Variants in FAM3C observed in about 807,000 individuals in gnomAD.
FAM3C encodes the protein protein FAM3C.
Under a neutral mutation model 32.5 loss-of-function variants are expected in FAM3C, and 15 were observed. That is an observed-to-expected ratio of 0.46 (90% confidence interval 0.31 to 0.71). FAM3C has a LOEUF of 0.71. FAM3C is among the 30% of genes least tolerant of loss of function. The probability of loss-of-function intolerance (pLI) is 0.05; values close to 1 mark genes in which losing one functional copy is unlikely to be tolerated. For synonymous variants in FAM3C, 75 were observed against 86.1 expected, an observed-to-expected ratio of 0.87 and a Z score of 0.72; for missense variants, 175 against 274.4, an observed-to-expected ratio of 0.64 and a Z score of 2.56.
intron 2 of FAM3C, among the ~76,000 whole-genome samples, 153 bp downstream of exon 2, chr7:121,382,804 T>G (rs1434685312): frequency 1.3e-5 from 2 of 152,118 alleles, no homozygotes; most frequent in Non-Finnish European, 2.9e-5. Context: ...AATTTGTGAT[T>G]TGCCAACTAC....
intron 5 of FAM3C, among the ~76,000 whole-genome samples, chr7:121,367,993 A>C (rs1794057606): frequency 1.3e-5 from 2 of 152,016 alleles, no homozygotes; most frequent in Admixed American, 6.6e-5. Context: ...AAAAAAGAAA[A>C]AGTAAAGGAA....
chr7:121,368,750 GC>G, intron 5 of FAM3C, among the ~76,000 whole-genome samples: 1 of 151,948 alleles, frequency 6.6e-6, no homozygotes, highest in East Asian at 2.0e-4. Flanking sequence ...CAATCTTAGG[GC>G]CTTCGAGCAG....
At chr7:121,373,013 A>G (rs1794177925) in intron 3 of FAM3C, among the ~76,000 whole-genome samples, 1 of 152,250 alleles carries the variant, frequency 6.6e-6, no homozygotes, top group South Asian at 2.1e-4. Context: ...TTAACTCAAT[A>G]GAACACTCAG....
intron 1 of FAM3C, among the ~76,000 whole-genome samples, chr7:121,395,168 G>C (rs1794658663): frequency 1.3e-5 from 2 of 151,400 alleles, no homozygotes; most frequent in African/African-American, 4.9e-5. Context: ...TATATATATG[G>C]ATACATACAT....
chr7:121,393,699 G>A lies in FAM3C; in HGVS notation c.-42+2463C>T, dbSNP rs543617656. ...TTCCTCCTCTGAGAGGAAGTCAGCC[G>A]ATTGTGTCTCAAAGAATTGCATTAA... On this transcript the variant is annotated intron_variant, in intron 1 of 9. Coordinates refer to ENST00000359943, the MANE Select transcript of FAM3C (RefSeq NM_014888.3). Among the ~76,000 whole-genome samples the A allele has an allele frequency of 1.5e-4, 23 of 152,280 alleles. No homozygotes were observed. In the South Asian group the frequency reaches 3.3e-3, roughly 22 times the overall value.
At chr7:121,369,503 G>C (rs918075488) in intron 5 of FAM3C, among the ~76,000 whole-genome samples, 2 of 152,182 alleles carry the variant, frequency 1.3e-5, no homozygotes, top group African/African-American at 2.4e-5. Context: ...AATGGTTCCT[G>C]AAATAAGGAT....
chr7:121,371,884 A>G (rs1794154744), intron 4 of FAM3C, among the ~76,000 whole-genome samples: 1 of 152,214 alleles, frequency 6.6e-6, no homozygotes, highest in African/African-American at 2.4e-5. Context: ...TCCTTCTCAC[A>G]CCAATTTCTG....
In FAM3C at chr7:121,382,972, T is replaced by C. The variant is rs1032466928; in HGVS notation, c.-3A>G. On this transcript the variant is annotated 5_prime_UTR_variant, in exon 2 of 10. Transcript: ENST00000359943. ...AATATCTTACCTGCTACCCTCATGT[T>C]TGGTTTTTCAGTTTATGGCACTTTT... The C allele has an allele frequency of 1.1e-5, 18 of 1,603,230 alleles. No individual in the cohort carries two copies. Among genetic ancestry groups the C allele is most frequent in the Non-Finnish European group, 1.5e-5 (18 of 1,173,038 alleles).
chr7:121,395,018 T>C (rs537333803), intron 1 of FAM3C, among the ~76,000 whole-genome samples: 2 of 152,290 alleles, frequency 1.3e-5, no homozygotes, highest in South Asian at 2.1e-4. Flanking sequence ...TCTCGGGAGT[T>C]CATATTTCCA....
intron 2 of FAM3C, among the ~76,000 whole-genome samples, chr7:121,381,690 A>ACG (rs1491117006): frequency 6.6e-6 from 1 of 151,190 alleles, no homozygotes; most frequent in South Asian, 2.1e-4. Flanking sequence ...ACACACACAC[A>ACG]CGCATGCAAC....
chr7:121,357,352 A>T (rs1793834958), intron 8 of FAM3C, among the ~76,000 whole-genome samples: 1 of 152,160 alleles, frequency 6.6e-6, no homozygotes, highest in Non-Finnish European at 1.5e-5. Context: ...GTGGAAGAAA[A>T]CGAGGTAAAA....
At chr7:121,383,799 A>G (rs550627425) in intron 1 of FAM3C, among the ~76,000 whole-genome samples, 4 of 152,212 alleles carry the variant, frequency 2.6e-5, no homozygotes, top group African/African-American at 7.2e-5. Flanking sequence ...AGTAAGTTTA[A>G]TAAGAAAGCC....
intron 1 of FAM3C, among the ~76,000 whole-genome samples, chr7:121,385,496 C>T (rs1352031173): frequency 2.6e-5 from 4 of 152,172 alleles, no homozygotes; most frequent in African/African-American, 4.8e-5. Flanking sequence ...CTCAGATGGA[C>T]GTACTAAACT....
chr7:121,393,272 A>G (rs1198116023), intron 1 of FAM3C, among the ~76,000 whole-genome samples: 1 of 152,124 alleles, frequency 6.6e-6, no homozygotes, highest in African/African-American at 2.4e-5. Context: ...TGTGCAAAAT[A>G]GTAAGATCCC....
intron 1 of FAM3C, among the ~76,000 whole-genome samples, chr7:121,389,046 A>G (rs542933298): frequency 6.6e-6 from 1 of 152,230 alleles, no homozygotes; most frequent in African/African-American, 2.4e-5. Context: ...GTAAAATATA[A>G]TACCTGCTTC....
intron 1 of FAM3C, among the ~76,000 whole-genome samples, chr7:121,390,849 G>GGGGT (rs1794560067): frequency 3.3e-5 from 1 of 30,042 alleles, no homozygotes; most frequent in African/African-American, 8.3e-5. Context: ...AAGGCTGTGT[G>GGGGT]GGGCGGGGGG....
Position 121,378,815 on chromosome 7 carries a change from C to A in FAM3C, c.118+95G>T, listed in dbSNP as rs954393404. 1.2e-4 allele frequency: 65 copies of A among 544,634 alleles called. 2 individuals carry two copies. In the South Asian group the frequency reaches 1.8e-3, roughly 15 times the overall value. 33.7% of individuals were successfully genotyped at this position (544,634 alleles called of 1,614,324 possible). On this transcript the variant is annotated intron_variant, in intron 3 of 9. Coordinates refer to ENST00000359943, the MANE Select transcript of FAM3C (RefSeq NM_014888.3). ...TTATGGATATATAATAATCACATTT[C>A]GTTTTCTAGCACTGAGTGACTCAGT...
At chr7:121,366,663 A>C (rs1266041481) in intron 5 of FAM3C, among the ~76,000 whole-genome samples, 1 of 152,174 alleles carries the variant, frequency 6.6e-6, no homozygotes, top group Non-Finnish European at 1.5e-5. Flanking sequence ...ATAATAAACC[A>C]CTGACTGTAT....
At chr7:121,388,279 A>G (rs1794505501) in intron 1 of FAM3C, among the ~76,000 whole-genome samples, 1 of 147,042 alleles carries the variant, frequency 6.8e-6, no homozygotes, top group Admixed American at 6.7e-5. Context: ...CTCCTGTTGT[A>G]CAGCTTCAGA....
Sources: gnomAD v4.1 joint callset for allele counts (sites outside exome capture counted in the v4.1 genomes callset) on GRCh38, gnomAD v4.1.1 for gene constraint, MANE v1.5 for transcripts, NCBI Gene and HGNC (gene_info 2026-07-23, HGNC 2026-07-21) for gene names.